The following DOCK4 variants were observed in gnomAD, a reference collection of about 807,000 sequenced individuals.
DOCK4 encodes dedicator of cytokinesis 4.
Under a neutral mutation model 268.1 loss-of-function variants are expected in DOCK4, and 97 were observed. That is an observed-to-expected ratio of 0.36 (90% confidence interval 0.31 to 0.43). The LOEUF (loss-of-function observed/expected upper bound fraction) is 0.43. Among genes scored for constraint, DOCK4 ranks in the 20% least tolerant of loss-of-function variants. The probability of loss-of-function intolerance (pLI) is 1.00; values close to 1 mark genes in which losing one functional copy is unlikely to be tolerated. For synonymous variants in DOCK4, 954 were observed against 887.2 expected, an observed-to-expected ratio of 1.08 and a Z score of -1.34; for missense variants, 2,145 against 2,455.7, an observed-to-expected ratio of 0.87 and a Z score of 2.67.
At chr7:112,145,698 T>TAGAC (rs1815412634) in intron 1 of DOCK4, among the ~76,000 whole-genome samples, 1 of 152,134 alleles carries the variant, frequency 6.6e-6, no homozygotes. Flanking sequence ...TGCATTCCAC[T>TAGAC]AGACATACAT....
chr7:111,941,808 G>A (rs1393387853), intron 10 of DOCK4, among the ~76,000 whole-genome samples: 1 of 152,196 alleles, frequency 6.6e-6, no homozygotes, highest in Non-Finnish European at 1.5e-5. Context: ...GTAGGGGACA[G>A]AAGGAATGGC....
intron 1 of DOCK4, among the ~76,000 whole-genome samples, chr7:112,112,511 G>T (rs1586846172): frequency 6.6e-6 from 1 of 152,102 alleles, no homozygotes; most frequent in African/African-American, 2.4e-5. Context: ...GGGTGTGGTG[G>T]TGGGCACCTG....
At chr7:112,188,115 T>C (rs1230116450) in intron 1 of DOCK4, among the ~76,000 whole-genome samples, 3 of 152,234 alleles carry the variant, frequency 2.0e-5, no homozygotes, top group Non-Finnish European at 2.9e-5. Flanking sequence ...CCAAGTACTA[T>C]AGGGAATTGC....
At chr7:111,759,889 A>C (rs772728048) in intron 40 of DOCK4, among the ~76,000 whole-genome samples, 60 of 152,212 alleles carry the variant, frequency 3.9e-4, no homozygotes, top group Non-Finnish European at 6.9e-4. Context: ...GTTTATTCTA[A>C]AGGATGTCAC....
At chr7:112,034,671 G>A (rs1026039272) in intron 1 of DOCK4, among the ~76,000 whole-genome samples, 3 of 152,302 alleles carry the variant, frequency 2.0e-5, no homozygotes, top group South Asian at 4.1e-4. Flanking sequence ...AGGCCAAGGC[G>A]GGTGGATTGC....
chr7:111,839,645 T>C (rs146109448), intron 25 of DOCK4, among the ~76,000 whole-genome samples: 254 of 152,332 alleles, frequency 1.7e-3, no homozygotes, highest in African/African-American at 5.9e-3. Flanking sequence ...CTTGGGCATT[T>C]ATGATGATTA....
intron 1 of DOCK4, among the ~76,000 whole-genome samples, chr7:112,070,457 C>T (rs552758945): frequency 1.3e-5 from 2 of 152,120 alleles, no homozygotes; most frequent in East Asian, 3.9e-4. Context: ...ACTTTTGCAC[C>T]AATTACTTCT....
intron 27 of DOCK4, chr7:111,819,800 C>T (rs1801839869): frequency 6.6e-6 from 1 of 152,130 alleles, no homozygotes; most frequent in Non-Finnish European, 1.5e-5. Flanking sequence ...GTATTAAGCA[C>T]ACGACTGGGT....
chr7:111,909,887 A>G (rs1317440289), intron 13 of DOCK4, among the ~76,000 whole-genome samples: 2 of 152,028 alleles, frequency 1.3e-5, no homozygotes, highest in Non-Finnish European at 2.9e-5. Context: ...ACTTGAGCCC[A>G]GAAGGCTGAG....
intron 27 of DOCK4, among the ~76,000 whole-genome samples, chr7:111,815,611 T>C (rs1449906995): frequency 1.3e-5 from 2 of 151,098 alleles, no homozygotes; most frequent in South Asian, 2.1e-4. Flanking sequence ...CATTTATTTA[T>C]TTCCTTCCTT....
intron 1 of DOCK4, among the ~76,000 whole-genome samples, chr7:112,142,628 G>A (rs1229463704): frequency 6.6e-6 from 1 of 152,120 alleles, no homozygotes; most frequent in Non-Finnish European, 1.5e-5. Flanking sequence ...TCCCCAGAGT[G>A]CCTACCACTC....
chr7:111,983,651 G>GA (rs200500898), intron 7 of DOCK4, among the ~76,000 whole-genome samples: 2 of 151,770 alleles, frequency 1.3e-5, no homozygotes, highest in African/African-American at 4.8e-5. Context: ...CATGTAACTA[G>GA]AAAAAAAACT....
At chr7:112,047,226 C>G (rs1305912412) in intron 1 of DOCK4, among the ~76,000 whole-genome samples, 1 of 152,102 alleles carries the variant, frequency 6.6e-6, no homozygotes, top group Admixed American at 6.5e-5. Context: ...AAGCAAGACC[C>G]AAGAGAATCA....
In DOCK4 at chr7:111,935,563, T is replaced by A; in HGVS notation, c.1043A>T (p.Tyr348Phe). 1 of 1,612,712 alleles carries A rather than the reference T, an allele frequency of 6.2e-7. No homozygotes were observed. The highest frequency in any genetic ancestry group is 1.1e-5 in the South Asian group (1 of 91,044). ...ENIIKKLNARYNLTGSNAGLA... is the reference protein window; with the variant it reads ...ENIIKKLNARFNLTGSNAGLA... ...ACCTGCATTGGAGCCAGTCAAGTTA[T>A]AACGTGCATTCAGCTTTTTGATGAT... The change falls in exon 12 of 53, where the codon TAT becomes TTT. Residue 348 changes from tyrosine to phenylalanine, a missense_variant. Physicochemically the swap from Tyr to Phe is conservative, Grantham distance 22. Transcript: ENST00000428084.
intron 8 of DOCK4, among the ~76,000 whole-genome samples, chr7:111,957,482 A>G (rs1796534744): frequency 6.6e-6 from 1 of 152,210 alleles, no homozygotes. Flanking sequence ...GAGGTATACT[A>G]TATAACTAAA....
chr7:112,185,604 T>TAA (rs879681920), intron 1 of DOCK4, among the ~76,000 whole-genome samples: 1 of 143,170 alleles, frequency 7.0e-6, no homozygotes, highest in Non-Finnish European at 1.5e-5. Flanking sequence ...CACCCTCAGT[T>TAA]AAAAAAAAAA....
At chr7:111,946,248 T>A (rs555472270) in intron 8 of DOCK4, among the ~76,000 whole-genome samples, 1 of 152,234 alleles carries the variant, frequency 6.6e-6, no homozygotes, top group African/African-American at 2.4e-5. Flanking sequence ...TTTTATGGTC[T>A]TATAAGTCTC....
intron 36 of DOCK4, among the ~76,000 whole-genome samples, chr7:111,775,962 A>T (rs553373851): frequency 5.9e-5 from 9 of 152,310 alleles, no homozygotes; most frequent in South Asian, 4.1e-4. Flanking sequence ...AGCTCAAGAA[A>T]GGGATACTAA....
intron 1 of DOCK4, among the ~76,000 whole-genome samples, chr7:112,195,764 T>G (rs1301287671): frequency 6.6e-6 from 1 of 151,998 alleles, no homozygotes; most frequent in East Asian, 1.9e-4. Context: ...CAGGGAGAAA[T>G]TTTTGGTTAA....
Sources: allele counts gnomAD v4.1 joint callset (sites outside exome capture counted in the v4.1 genomes callset), GRCh38; gene constraint gnomAD v4.1.1; transcripts MANE v1.5; gene names NCBI Gene and HGNC (gene_info 2026-07-23, HGNC 2026-07-21).